USP36: variants seen among roughly 807,000 people sequenced by gnomAD.
The protein encoded by USP36 is ubiquitin specific peptidase 36.
A neutral mutation model predicts 111.5 loss-of-function variants in USP36; 59 were observed. The observed-to-expected ratio is 0.53, with a 90% confidence interval of 0.43 to 0.66. The LOEUF (loss-of-function observed/expected upper bound fraction) is 0.66. Ranked by LOEUF, USP36 falls within the 30% of genes least tolerant of loss-of-function variation. The pLI is 0.00. For missense variants in USP36, 1,488 were observed against 1,468.0 expected, an observed-to-expected ratio of 1.01 and a Z score of -0.22; for synonymous variants, 628 against 581.0, an observed-to-expected ratio of 1.08 and a Z score of -1.16.
intron 4 of USP36, among the ~76,000 whole-genome samples, chr17:78,829,720 G>T (rs893897686): frequency 1.3e-5 from 2 of 152,248 alleles, no homozygotes; most frequent in East Asian, 1.9e-4. Context: ...TACATAAAAC[G>T]CCTCACTAGG....
chr17:78,813,023 T>A, intron 12 of USP36, 22 bp from the exon 13 acceptor site: 1 of 1,613,304 alleles, frequency 6.2e-7, no homozygotes, highest in Non-Finnish European at 8.5e-7. Flanking sequence ...AGAAAACAAG[T>A]AGGGAATTCT....
At chr17:78,812,712 A>AG in intron 13 of USP36, 148 bp downstream of exon 13, 1 of 867,424 alleles carries the variant, frequency 1.2e-6, no homozygotes, top group Non-Finnish European at 1.6e-6. Context: ...AAAAAAAAAA[A>AG]AAAAAAGAAA....
chr17:78,791,980 G>C (rs1028328229), downstream of USP36: 1 of 152,202 alleles, frequency 6.6e-6, no homozygotes, highest in African/African-American at 2.4e-5. Flanking sequence ...TGTATTGACT[G>C]GATCAGTTGA....
chr17:78,803,705 T>C lies in USP36; in HGVS notation c.2490A>G (p.Pro830=). ...CCGCAGTGGCCTCCCTGATGTGCTG[T>C]GGGAGGCGCGTCTCTGAGCCCAGCC... ...PQRLGSETRL[P]QHIREATAAP... Residue 830 remains proline (P), a synonymous_variant, in exon 16 of 21, where the codon CCA becomes CCG. Coordinates refer to ENST00000449938, the MANE Select transcript of USP36 (RefSeq NM_001385174.1). The surrounding 1 kb of genome is among the most constrained non-coding windows in gnomAD (Gnocchi z 4.6). The C allele has an allele frequency of 1.2e-6, 2 of 1,611,908 alleles. No individual in the cohort carries two copies. The highest frequency in any genetic ancestry group is 1.7e-6 in the Non-Finnish European group (2 of 1,179,896).
chr17:78,798,825 C>A lies in USP36; in HGVS notation c.3240+83G>T. On this transcript the variant is annotated intron_variant, in intron 19 of 20. Transcript: ENST00000449938. The surrounding 1 kb of genome is among the most constrained non-coding windows in gnomAD (Gnocchi z 5.1). ...CATGCTCGGCCGCTTCATGCCACTG[C>A]CGCCACCTCCAACTGCCCCGGCTCT... 6.6e-7 allele frequency: 1 copy of A among 1,521,572 alleles called. No individual in the cohort carries two copies. The highest frequency in any genetic ancestry group is 9.0e-7 in the Non-Finnish European group (1 of 1,105,590). The allele number at this position is 1,521,572 out of a possible 1,614,324, so 94.3% of individuals were successfully genotyped here.
At chr17:78,788,251 G>A (rs2093552287) in intron 3 of USP36, among the ~76,000 whole-genome samples, 1 of 151,768 alleles carries the variant, frequency 6.6e-6, no homozygotes, top group Non-Finnish European at 1.5e-5. Flanking sequence ...TGCAACCTCC[G>A]CCTCCCAGGT....
chr17:78,794,096 C>G (rs1418661153), downstream of USP36, among the ~76,000 whole-genome samples: 1 of 152,226 alleles, frequency 6.6e-6, no homozygotes, highest in East Asian at 1.9e-4. Flanking sequence ...CATCTCACCT[C>G]TTGAGTCCAT....
Position 78,828,930 on chromosome 17 carries a change from T to C in USP36, c.553A>G (p.Ile185Val). 3.1e-6 allele frequency: 5 copies of C among 1,614,238 alleles called. No individual in the cohort carries two copies. Among genetic ancestry groups the C allele is most frequent in the Admixed American group, 1.7e-5 (1 of 60,030 alleles). The stretch of plus-strand genomic sequence containing the variant: ...TCTCGGATGAAGGAGACGGGCTTGA[T>C]GGCGTTGCCGCTGTTGGCGAAGGCC... ...VQAFANSGNAIKPVSFIRDLK... is the reference protein window; with the variant it reads ...VQAFANSGNAVKPVSFIRDLK... Residue 185 changes from isoleucine to valine, a missense_variant, in exon 5 of 21, where the codon ATC (isoleucine) becomes GTC (valine). Physicochemically the swap from Ile to Val is conservative, Grantham distance 29 (BLOSUM62 3). Transcript: ENST00000449938.
Position 78,803,571 on chromosome 17 carries a change from C to T in USP36, c.2624G>A (p.Arg875Lys). The change falls in exon 16 of 21, where the codon AGG becomes AAG. Residue 875 changes from arginine (R) to lysine (K), a missense_variant. Physicochemically the swap from Arg to Lys is conservative, Grantham distance 26. This residue lies in a region of USP36 where 1,073 missense variants were observed against 994.1 expected (regional missense o/e 1.08). Transcript: ENST00000449938. This position sits in a 1 kb window ranked among gnomAD's most constrained non-coding sequence, Gnocchi z 4.6. Reference sequence around the variant, plus strand: ...GGGCAGCTGTGCCTGGCCCTCCCTCCTGTACATGGGGCTCCCAGGCTGTCT... The same window carrying T: ...GGGCAGCTGTGCCTGGCCCTCCCTCTTGTACATGGGGCTCCCAGGCTGTCT... ...TQRQPGSPMYRREGQAQLPAV... is the reference protein window; with the variant it reads ...TQRQPGSPMYKREGQAQLPAV... 6.2e-7 allele frequency: 1 copy of T among 1,613,430 alleles called. No individual in the cohort carries two copies. Among genetic ancestry groups the T allele is most frequent in the Non-Finnish European group, 8.5e-7 (1 of 1,180,008 alleles).
At chr17:78,833,481 G>A (rs59562526) in intron 4 of USP36, among the ~76,000 whole-genome samples, 8,636 of 151,928 alleles carry the variant, frequency 0.057, 769 homozygotes, top group African/African-American at 0.19. Flanking sequence ...CCCTCTTTGC[G>A]GGCTGCTACT....
chr17:78,792,601 G>A (rs1735357436), downstream of USP36, among the ~76,000 whole-genome samples: 1 of 152,202 alleles, frequency 6.6e-6, no homozygotes, highest in African/African-American at 2.4e-5. Context: ...AAGGAGCCCG[G>A]CAACTGGTGT....
intron 13 of USP36, among the ~76,000 whole-genome samples, chr17:78,810,428 C>T (rs1316952489): frequency 3.3e-5 from 5 of 152,200 alleles, no homozygotes; most frequent in African/African-American, 7.2e-5. Flanking sequence ...GCTGGGAATA[C>T]AGGCACGTGC....
chr17:78,806,840 C>T, intron 14 of USP36, 119 bp downstream of exon 14: 1 of 1,366,268 alleles, frequency 7.3e-7, no homozygotes, highest in Non-Finnish European at 1.0e-6. Context: ...ACACTTTGTT[C>T]CTCTAACATG....
chr17:78,833,833 G>GC (rs75080886), intron 4 of USP36, among the ~76,000 whole-genome samples: 60,775 of 151,896 alleles, frequency 0.4, 14,564 homozygotes, highest in Non-Finnish European at 0.53. Flanking sequence ...TTTCTTTCTC[G>GC]CATTTTCCTT....
chr17:78,836,824 G>GACAC (rs759552605), intron 2 of USP36, among the ~76,000 whole-genome samples: 1 of 122,382 alleles, frequency 8.2e-6, no homozygotes, highest in Non-Finnish European at 1.8e-5. Flanking sequence ...CACACAAACG[G>GACAC]ACACACACAC....
At chr17:78,839,419 G>GATCT (rs1196947363) in intron 1 of USP36, among the ~76,000 whole-genome samples, 3 of 152,174 alleles carry the variant, frequency 2.0e-5, no homozygotes, top group African/African-American at 7.2e-5. Flanking sequence ...GTAAGGAAAT[G>GATCT]ATCTCAGAAT....
At chr17:78,826,157 T>C (rs2067522325) in intron 6 of USP36, among the ~76,000 whole-genome samples, 2 of 152,176 alleles carry the variant, frequency 1.3e-5, no homozygotes, top group Non-Finnish European at 2.9e-5. Context: ...GAAGAACGCG[T>C]GACCAAACCC....
chr17:78,806,581 G>A (rs538738853), intron 14 of USP36, among the ~76,000 whole-genome samples: 2 of 152,286 alleles, frequency 1.3e-5, no homozygotes, highest in Admixed American at 6.5e-5. Context: ...CAGAGGTGCC[G>A]GGCACCCCAC....
At chr17:78,817,007 CAT>C (rs1385909423) in intron 10 of USP36, among the ~76,000 whole-genome samples, 1 of 152,214 alleles carries the variant, frequency 6.6e-6, no homozygotes, top group Non-Finnish European at 1.5e-5. Flanking sequence ...TGCCACATAA[CAT>C]GTTTTGGTCA....
Sources: allele counts gnomAD v4.1 joint callset (sites outside exome capture counted in the v4.1 genomes callset), GRCh38; gene constraint gnomAD v4.1.1; regional missense constraint gnomAD v4.1.1; non-coding constraint Gnocchi (gnomAD v3.1); transcripts MANE v1.5; gene names NCBI Gene and HGNC (gene_info 2026-07-23, HGNC 2026-07-21).